The following NPAS3 variants were observed in gnomAD, a reference collection of about 807,000 sequenced individuals.
NPAS3 encodes neuronal PAS domain protein 3.
In NPAS3, 14 loss-of-function variants were observed where a neutral mutation model predicts 73.1. That is an observed-to-expected ratio of 0.19 (90% CI 0.13 to 0.30). NPAS3 has a LOEUF of 0.30. Among genes scored for constraint, NPAS3 ranks in the 10% least tolerant of loss-of-function variants. The pLI, the probability that NPAS3 is intolerant of heterozygous loss-of-function variation, is 1.00. For synonymous variants in NPAS3, 620 were observed against 541.5 expected (o/e 1.14, Z -2.01); for missense variants, 1,096 against 1,250.0 (o/e 0.88, Z 1.86).
At chr14:33,356,310 A>G (rs2045335605) in intron 3 of NPAS3, among the ~76,000 whole-genome samples, 1 of 152,238 alleles carries the variant, frequency 6.6e-6, no homozygotes, top group Non-Finnish European at 1.5e-5. Context: ...TTGGCAAGTG[A>G]TGCAGATTCT....
At chr14:33,595,224 C>A (rs192756198) in intron 5 of NPAS3, among the ~76,000 whole-genome samples, 2 of 152,148 alleles carry the variant, frequency 1.3e-5, no homozygotes, top group Admixed American at 6.5e-5. Flanking sequence ...AAAATATATG[C>A]CTTATGCCTC....
chr14:33,546,614 A>G (rs72680201), intron 4 of NPAS3, among the ~76,000 whole-genome samples: 19,116 of 152,170 alleles, frequency 0.13, 1,291 homozygotes, highest in African/African-American at 0.17. Context: ...ATCCTGCTCA[A>G]TATGTTGATT....
intron 5 of NPAS3, among the ~76,000 whole-genome samples, chr14:33,570,998 A>G (rs539936323): frequency 3.7e-4 from 57 of 152,320 alleles, no homozygotes; most frequent in African/African-American, 1.3e-3. Context: ...GAGGAGAGAG[A>G]GTGCCAAGTA....
intron 7 of NPAS3, among the ~76,000 whole-genome samples, chr14:33,760,494 C>T (rs2062248638): frequency 6.6e-6 from 1 of 152,114 alleles, no homozygotes. Flanking sequence ...TTGGACACTT[C>T]AAAAACATTA....
At chr14:33,376,612 G>C (rs765788943) in intron 4 of NPAS3, among the ~76,000 whole-genome samples, 8 of 152,162 alleles carry the variant, frequency 5.3e-5, no homozygotes, top group Non-Finnish European at 1.0e-4. Flanking sequence ...CCTTGTCTCA[G>C]CTCCGTGTTA....
intron 4 of NPAS3, among the ~76,000 whole-genome samples, chr14:33,507,397 A>G (rs2052817224): frequency 6.6e-6 from 1 of 152,058 alleles, no homozygotes; most frequent in South Asian, 2.1e-4. Flanking sequence ...ACATTCAAGT[A>G]AAAAAGAGTT....
At chr14:32,976,780 A>G (rs1230490663) in intron 1 of NPAS3, among the ~76,000 whole-genome samples, 1 of 152,242 alleles carries the variant, frequency 6.6e-6, no homozygotes, top group Admixed American at 6.5e-5. Flanking sequence ...TGCTAAGGTT[A>G]GTTATCTGAC....
intron 3 of NPAS3, among the ~76,000 whole-genome samples, chr14:33,265,775 C>T (rs971150432): frequency 1.3e-5 from 2 of 151,960 alleles, no homozygotes; most frequent in Non-Finnish European, 2.9e-5. Flanking sequence ...TACTTTTTTA[C>T]TTGAAATATT....
chr14:32,937,941 G>A (rs1053117772), upstream of NPAS3, among the ~76,000 whole-genome samples: 3 of 152,140 alleles, frequency 2.0e-5, no homozygotes, highest in African/African-American at 7.2e-5. Context: ...TCTAGCCCGG[G>A]CCCTGCACTG....
chr14:33,159,545 A>G lies in NPAS3; in HGVS notation c.141-55637A>G, dbSNP rs2044772870. On this transcript the variant is annotated intron_variant, in intron 2 of 11. Coordinates refer to ENST00000356141, the Ensembl canonical transcript of NPAS3. ...AGAATAGCTAATTATAGTATTAATT[A>G]TAATGAGCTTTTTTTTTTTTTTTTT... 4.1e-5 allele frequency among the ~76,000 whole-genome samples: 6 copies of G among 147,900 alleles called. No homozygotes were observed. The South Asian group carries it at 8.5e-4, about 21-fold the overall frequency.
At chr14:33,585,824 A>G (rs1233517975) in intron 5 of NPAS3, 4 of 152,172 alleles carry the variant, frequency 2.6e-5, no homozygotes, top group African/African-American at 9.7e-5. Flanking sequence ...AACTCAGGCA[A>G]AATTTTCAGT....
At chr14:33,784,733 ATTTATTTAT>A (rs1161261172) in intron 9 of NPAS3, among the ~76,000 whole-genome samples, 15 of 78,292 alleles carry the variant, frequency 1.9e-4, no homozygotes, top group African/African-American at 9.6e-4. Flanking sequence ...TTATTTATTT[ATTTATTTAT>A]TTATTTTTTT....
intron 3 of NPAS3, among the ~76,000 whole-genome samples, chr14:33,313,679 G>A (rs530877209): frequency 3.9e-5 from 6 of 152,066 alleles, no homozygotes; most frequent in Admixed American, 6.6e-5. Context: ...TATTATCCTC[G>A]TAATTACTTT....
chr14:33,367,759 C>T (rs934840720), intron 4 of NPAS3, among the ~76,000 whole-genome samples: 2 of 151,286 alleles, frequency 1.3e-5, no homozygotes, highest in African/African-American at 4.9e-5. Flanking sequence ...AAATTTCTCA[C>T]GGGAAAATAT....
At chr14:32,991,145 A>AT (rs35615509) in intron 1 of NPAS3, among the ~76,000 whole-genome samples, 45,092 of 147,624 alleles carry the variant, frequency 0.31, 6,927 homozygotes, top group African/African-American at 0.39. Context: ...TAATTTTTTA[A>AT]TTTTTTTTTT....
At chr14:33,677,481 G>A (rs186518051) in intron 6 of NPAS3, among the ~76,000 whole-genome samples, 7 of 152,116 alleles carry the variant, frequency 4.6e-5, no homozygotes, top group South Asian at 2.1e-4. Flanking sequence ...AAATAGATTC[G>A]TAATACAAAA....
At chr14:33,689,741 C>A (rs191120448) in intron 6 of NPAS3, among the ~76,000 whole-genome samples, 2 of 152,144 alleles carry the variant, frequency 1.3e-5, no homozygotes, top group Non-Finnish European at 2.9e-5. Context: ...TTCTGTTTTG[C>A]AGATTCACGT....
intron 2 of NPAS3, among the ~76,000 whole-genome samples, chr14:33,088,111 C>A (rs978249424): frequency 6.6e-6 from 1 of 152,178 alleles, no homozygotes; most frequent in Non-Finnish European, 1.5e-5. Context: ...CTAGTGTGAG[C>A]GACACAGAAG....
intron 1 of NPAS3, among the ~76,000 whole-genome samples, chr14:32,994,460 C>T (rs1393250223): frequency 6.6e-6 from 1 of 150,748 alleles, no homozygotes; most frequent in Non-Finnish European, 1.5e-5. Flanking sequence ...AGATTAGAGC[C>T]CCAAATTTTT....
Sources: gnomAD v4.1 joint callset for allele counts (sites outside exome capture counted in the v4.1 genomes callset) on GRCh38, gnomAD v4.1.1 for gene constraint, MANE v1.5 for transcripts, NCBI Gene and HGNC (gene_info 2026-07-23, HGNC 2026-07-21) for gene names.